PPARGC1A: variants seen among roughly 807,000 people sequenced by gnomAD.
The protein encoded by PPARGC1A is PPARG coactivator 1 alpha.
In PPARGC1A, 25 loss-of-function variants were observed where a neutral mutation model predicts 88.7. The ratio of observed to expected loss-of-function variants is 0.28; its 90% CI spans 0.21 to 0.39. The LOEUF (loss-of-function observed/expected upper bound fraction) is 0.39. Among genes scored for constraint, PPARGC1A ranks in the 10% least tolerant of loss-of-function variants. PPARGC1A has a pLI of 1.00. For synonymous variants in PPARGC1A, 363 were observed against 355.6 expected (o/e 1.02, Z -0.24); for missense variants, 880 against 968.7 (o/e 0.91, Z 1.22).
At chr4:24,236,432 G>T in the PPARGC1A span, among the ~76,000 whole-genome samples, 5 of 152,146 alleles carry the variant, frequency 3.3e-5, no homozygotes, top group African/African-American at 9.7e-5. Flanking sequence ...ACCTTAAGAT[G>T]TGCATGGAAA....
chr4:24,387,838 A>AAGAAAGAAAGAAAGAAAG, the PPARGC1A span, among the ~76,000 whole-genome samples: 2 of 72,428 alleles, frequency 2.8e-5, no homozygotes, highest in Non-Finnish European at 6.7e-5. Flanking sequence ...GAAAGAGAGA[A>AAGAAAGAAAGAAAGAAAG]AGAGAGAGAG....
chr4:24,229,467 G>A, the PPARGC1A span, among the ~76,000 whole-genome samples: 3 of 150,928 alleles, frequency 2.0e-5, no homozygotes, highest in Admixed American at 1.3e-4. Flanking sequence ...CCTTTTAAAA[G>A]TTCTCCAAGT....
chr4:23,985,049 T>C, the PPARGC1A span, among the ~76,000 whole-genome samples: 1 of 152,060 alleles, frequency 6.6e-6, no homozygotes. Flanking sequence ...GCTCTGGGAA[T>C]TAAAAGCAAG....
the PPARGC1A span, among the ~76,000 whole-genome samples, chr4:24,362,053 C>T: frequency 2.6e-5 from 4 of 152,162 alleles, no homozygotes; most frequent in Admixed American, 6.5e-5. Context: ...AAGACAAAAT[C>T]CTATGCAAAA....
At chr4:23,921,617 T>G in the PPARGC1A span, among the ~76,000 whole-genome samples, 2 of 151,906 alleles carry the variant, frequency 1.3e-5, no homozygotes, top group African/African-American at 4.8e-5. Context: ...CACAGGCAGG[T>G]GGGAGGGGAG....
chr4:23,926,271 T>C, the PPARGC1A span, among the ~76,000 whole-genome samples: 3 of 152,064 alleles, frequency 2.0e-5, no homozygotes, highest in Non-Finnish European at 4.4e-5. Flanking sequence ...ACTCAAAATA[T>C]ACAAAATGGG....
At chr4:24,171,128 C>T in the PPARGC1A span, among the ~76,000 whole-genome samples, 2 of 152,070 alleles carry the variant, frequency 1.3e-5, no homozygotes, top group Non-Finnish European at 2.9e-5. Flanking sequence ...TTTAAGTGTC[C>T]CGGCCAGGCG....
At chr4:24,317,554 C>CAAAAAAAAAAAAAAAAAAAAAAA in the PPARGC1A span, among the ~76,000 whole-genome samples, 4 of 14,254 alleles carry the variant, frequency 2.8e-4, no homozygotes, top group Admixed American at 1.3e-3. Flanking sequence ...GTTCAGAGGA[C>CAAAAAAAAAAAAAAAAAAAAAAA]TAAAAAAAAA....
chr4:23,915,290 C>T, the PPARGC1A span, among the ~76,000 whole-genome samples: 1 of 152,044 alleles, frequency 6.6e-6, no homozygotes, highest in Non-Finnish European at 1.5e-5. Flanking sequence ...GAAGTAAATG[C>T]TAGAACATAC....
the PPARGC1A span, among the ~76,000 whole-genome samples, chr4:24,121,949 T>C: frequency 6.6e-6 from 1 of 152,060 alleles, no homozygotes; most frequent in Admixed American, 6.6e-5. Flanking sequence ...TTTAGCAAGA[T>C]TCAAGACTCG....
chr4:24,120,793 C>A, the PPARGC1A span, among the ~76,000 whole-genome samples: 1 of 152,152 alleles, frequency 6.6e-6, no homozygotes, highest in Admixed American at 6.5e-5. Flanking sequence ...CCATGAGTGT[C>A]TATGAGCTAG....
chr4:23,995,843 C>A, the PPARGC1A span, among the ~76,000 whole-genome samples: 1 of 152,074 alleles, frequency 6.6e-6, no homozygotes, highest in Non-Finnish European at 1.5e-5. Context: ...AGGAAATGAG[C>A]CATATTTAGT....
chr4:24,354,599 C>A, the PPARGC1A span, among the ~76,000 whole-genome samples: 1 of 152,072 alleles, frequency 6.6e-6, no homozygotes, highest in Non-Finnish European at 1.5e-5. Flanking sequence ...GTAAAACCAC[C>A]CTTTTGGCTG....
At chr4:24,036,811 C>T in the PPARGC1A span, among the ~76,000 whole-genome samples, 3 of 152,192 alleles carry the variant, frequency 2.0e-5, no homozygotes, top group African/African-American at 7.2e-5. Flanking sequence ...AATATCCTTT[C>T]AGCTGTATAA....
chr4:24,280,508 A>G, the PPARGC1A span, among the ~76,000 whole-genome samples: 1 of 152,076 alleles, frequency 6.6e-6, no homozygotes, highest in Non-Finnish European at 1.5e-5. Context: ...GAAAGGAAGG[A>G]AGGGAGGGAG....
chr4:23,867,869 G>A (rs1409230372), intron 2 of PPARGC1A, among the ~76,000 whole-genome samples: 4 of 152,230 alleles, frequency 2.6e-5, no homozygotes, highest in East Asian at 3.9e-4. Flanking sequence ...CATTACAATC[G>A]TAAACGAGGA....
the PPARGC1A span, among the ~76,000 whole-genome samples, chr4:24,213,097 T>G: frequency 6.6e-6 from 1 of 151,742 alleles, no homozygotes; most frequent in Admixed American, 6.6e-5. Context: ...AATCTAGTCT[T>G]GGAAACCCAC....
At position 23,826,621 on chromosome 4, in the gene PPARGC1A, A is replaced by G. The variant is rs899145714; in HGVS notation, c.757+1779T>C. ...ATTTTCCGCATTTTGATTTTGAATA[A>G]TAATTCAAATAATCACTGAAGTTGA... On this transcript the variant is annotated intron_variant, in intron 5 of 12. Coordinates refer to ENST00000264867, the MANE Select transcript of PPARGC1A (RefSeq NM_013261.5). Among the ~76,000 whole-genome samples, 13 of 152,294 alleles carry G rather than the reference A, an allele frequency of 8.5e-5. No homozygotes were observed. In the East Asian group the frequency reaches 1.4e-3, roughly 16 times the overall value.
chr4:24,094,612 C>T, the PPARGC1A span, among the ~76,000 whole-genome samples: 1 of 152,206 alleles, frequency 6.6e-6, no homozygotes, highest in Non-Finnish European at 1.5e-5. Flanking sequence ...TTCCATGCTA[C>T]CGATCACTTA....
Sources: allele counts gnomAD v4.1 joint callset (sites outside exome capture counted in the v4.1 genomes callset), GRCh38; gene constraint gnomAD v4.1.1; transcripts MANE v1.5; gene names NCBI Gene and HGNC (gene_info 2026-07-23, HGNC 2026-07-21).